The following ERBB4 variants were observed in gnomAD, a reference collection of about 807,000 sequenced individuals.
The protein encoded by ERBB4 is receptor tyrosine-protein kinase erbB-4.
ERBB4 carries 42 observed loss-of-function variants against 158.0 expected under a neutral mutation model. The ratio of observed to expected loss-of-function variants is 0.27; its 90% CI spans 0.21 to 0.34. The LOEUF (loss-of-function observed/expected upper bound fraction) is 0.34, where lower values mean the gene tolerates loss of function less well. Among genes scored for constraint, ERBB4 ranks in the 10% least tolerant of loss-of-function variants. ERBB4 has a pLI of 1.00. For missense variants in ERBB4, 1,333 were observed against 1,624.1 expected, an observed-to-expected ratio of 0.82 and a Z score of 3.08; for synonymous variants, 583 against 558.7, an observed-to-expected ratio of 1.04 and a Z score of -0.61.
intron 2 of ERBB4, among the ~76,000 whole-genome samples, chr2:212,086,145 G>A (rs1575612073): frequency 6.6e-6 from 1 of 152,032 alleles, no homozygotes; most frequent in East Asian, 1.9e-4. Flanking sequence ...GGAAAAGTTA[G>A]TTTTACTTTG....
At chr2:211,701,040 C>A (rs1210512045) in intron 12 of ERBB4, among the ~76,000 whole-genome samples, 2 of 151,926 alleles carry the variant, frequency 1.3e-5, no homozygotes, top group East Asian at 3.9e-4. Context: ...TCAGTGTATT[C>A]GATAGGAATG....
intron 20 of ERBB4, among the ~76,000 whole-genome samples, chr2:211,561,608 CAAAT>C (rs1479749035): frequency 6.6e-6 from 1 of 152,144 alleles, no homozygotes; most frequent in Non-Finnish European, 1.5e-5. Flanking sequence ...TATACCGAAA[CAAAT>C]AAGCCAAACA....
At chr2:211,633,745 GATAGACAT>G (rs1225313542) in intron 16 of ERBB4, among the ~76,000 whole-genome samples, 1 of 150,154 alleles carries the variant, frequency 6.7e-6, no homozygotes, top group Non-Finnish European at 1.5e-5. Flanking sequence ...AATATTAAAA[GATAGACAT>G]ATAGGAACCT....
chr2:212,111,025 CCAA>C (rs2079388623), intron 2 of ERBB4, among the ~76,000 whole-genome samples: 1 of 152,172 alleles, frequency 6.6e-6, no homozygotes, highest in Non-Finnish European at 1.5e-5. Context: ...AAGCACATTT[CCAA>C]TGAGGGGCTC....
intron 27 of ERBB4, 88 bp downstream of exon 27, chr2:211,386,765 G>T: frequency 1.5e-6 from 2 of 1,332,870 alleles, no homozygotes; most frequent in African/African-American, 1.4e-5. Context: ...GTGCTGGTCA[G>T]CTATCTGGCA....
At position 211,780,528 on chromosome 2, in the gene ERBB4, C is replaced by G. The variant is rs552312819; in HGVS notation, c.556+7497G>C. On this transcript the variant is annotated intron_variant, in intron 4 of 27. Coordinates refer to ENST00000342788, the MANE Select transcript of ERBB4 (RefSeq NM_005235.3). ...GTAATGTTCTTAGTAAAACTTAATTCCTAGAGTGAGTTTCAGTTGACCTGG... is the reference window on the plus strand; with the variant it reads ...GTAATGTTCTTAGTAAAACTTAATTGCTAGAGTGAGTTTCAGTTGACCTGG... Among the ~76,000 whole-genome samples the G allele has an allele frequency of 1.0e-3, 156 of 152,078 alleles. 1 individual carries two copies. The highest frequency in any genetic ancestry group is 2.0e-3 in the Non-Finnish European group (135 of 68,000).
intron 2 of ERBB4, among the ~76,000 whole-genome samples, chr2:212,000,825 T>C (rs1245610806): frequency 6.6e-6 from 1 of 151,874 alleles, no homozygotes; most frequent in Admixed American, 6.6e-5. Flanking sequence ...TACAAGGAGA[T>C]AAACTTCATG....
chr2:211,557,631 G>T (rs949690465), intron 20 of ERBB4, among the ~76,000 whole-genome samples: 2 of 147,208 alleles, frequency 1.4e-5, no homozygotes, highest in Admixed American at 6.6e-5. Flanking sequence ...ATACATTGTT[G>T]TTCCTTATAA....
intron 1 of ERBB4, among the ~76,000 whole-genome samples, chr2:212,367,335 G>A (rs1019041925): frequency 6.6e-6 from 1 of 151,990 alleles, no homozygotes; most frequent in African/African-American, 2.4e-5. Flanking sequence ...CATAAAGTGG[G>A]GAAAGGACAC....
At chr2:212,283,065 G>A (rs937133913) in intron 1 of ERBB4, among the ~76,000 whole-genome samples, 1 of 151,726 alleles carries the variant, frequency 6.6e-6, no homozygotes, top group Admixed American at 6.6e-5. Flanking sequence ...TAATCTTACT[G>A]ATCATTTCAT....
chr2:211,761,830 C>A (rs1375628415), intron 4 of ERBB4, among the ~76,000 whole-genome samples: 1 of 152,090 alleles, frequency 6.6e-6, no homozygotes, highest in African/African-American at 2.4e-5. Flanking sequence ...TATATGCTCA[C>A]AAAATGCAAA....
At chr2:211,641,394 T>A (rs1160648992) in intron 16 of ERBB4, among the ~76,000 whole-genome samples, 2 of 152,214 alleles carry the variant, frequency 1.3e-5, no homozygotes, top group East Asian at 3.9e-4. Context: ...TTTGAGATCA[T>A]CATTTGCAAG....
chr2:211,755,683 G>T (rs1244751249), intron 4 of ERBB4, among the ~76,000 whole-genome samples: 3 of 152,148 alleles, frequency 2.0e-5, no homozygotes, highest in African/African-American at 7.2e-5. Flanking sequence ...TAAAAATGTA[G>T]CCTTTGCATT....
chr2:212,028,183 A>G (rs1321366858), intron 2 of ERBB4, among the ~76,000 whole-genome samples: 1 of 152,114 alleles, frequency 6.6e-6, no homozygotes, highest in African/African-American at 2.4e-5. Context: ...TCACATCAGT[A>G]GAAAAGTACA....
intron 19 of ERBB4, among the ~76,000 whole-genome samples, chr2:211,599,101 G>C (rs778457824): frequency 6.6e-6 from 1 of 152,184 alleles, no homozygotes; most frequent in Non-Finnish European, 1.5e-5. Flanking sequence ...CAGTGACTTA[G>C]AATAATCTCT....
chr2:212,302,454 GCTATTCTT>G (rs897858134), intron 1 of ERBB4, among the ~76,000 whole-genome samples: 41 of 151,454 alleles, frequency 2.7e-4, no homozygotes, highest in Admixed American at 2.4e-3. Flanking sequence ...TGGTATAACA[GCTATTCTT>G]CCACAACTGC....
chr2:212,527,245 T>C (rs1437790108), intron 1 of ERBB4, among the ~76,000 whole-genome samples: 1 of 152,110 alleles, frequency 6.6e-6, no homozygotes, highest in African/African-American at 2.4e-5. Context: ...GAGAAAATAT[T>C]CTAAAAATTA....
At chr2:212,066,584 A>T (rs566033757) in intron 2 of ERBB4, among the ~76,000 whole-genome samples, 2 of 152,040 alleles carry the variant, frequency 1.3e-5, no homozygotes, top group African/African-American at 4.8e-5. Context: ...TAGAAATCTG[A>T]TATGTTTTAG....
At chr2:212,153,935 G>A (rs943406276) in intron 1 of ERBB4, among the ~76,000 whole-genome samples, 1 of 152,042 alleles carries the variant, frequency 6.6e-6, no homozygotes, top group Non-Finnish European at 1.5e-5. Context: ...CATAGCAAGA[G>A]GTTAAGTACG....
Sources: allele counts gnomAD v4.1 joint callset (sites outside exome capture counted in the v4.1 genomes callset), GRCh38; gene constraint gnomAD v4.1.1; transcripts MANE v1.5; gene names NCBI Gene and HGNC (gene_info 2026-07-23, HGNC 2026-07-21).